FCHSD2: variants seen among roughly 807,000 people sequenced by gnomAD.
The protein encoded by FCHSD2 is FCH and double SH3 domains 2.
FCHSD2 carries 38 observed loss-of-function variants against 108.1 expected under a neutral mutation model. That is an observed-to-expected ratio of 0.35 (90% CI 0.27 to 0.46). FCHSD2 has a LOEUF of 0.46. FCHSD2 is among the 20% of genes least tolerant of loss of function. The pLI is 1.00. For missense variants in FCHSD2, 751 were observed against 897.8 expected (o/e 0.84, Z 2.09); for synonymous variants, 279 against 314.7 (o/e 0.89, Z 1.20).
intron 8 of FCHSD2, among the ~76,000 whole-genome samples, chr11:72,945,740 TG>T (rs1356040608): frequency 6.6e-6 from 1 of 152,142 alleles, no homozygotes; most frequent in African/African-American, 2.4e-5. Flanking sequence ...GCAAAGGATA[TG>T]AACAGACACT....
intron 2 of FCHSD2, among the ~76,000 whole-genome samples, chr11:73,121,662 A>G (rs78835923): frequency 1.3e-5 from 2 of 152,254 alleles, no homozygotes; most frequent in East Asian, 1.9e-4. Flanking sequence ...GGGCCAAAAA[A>G]AAAAAAAGTC....
intron 5 of FCHSD2, among the ~76,000 whole-genome samples, chr11:72,990,925 G>A (rs1254545154): frequency 6.6e-6 from 1 of 152,010 alleles, no homozygotes. Flanking sequence ...TCCAGGAGCT[G>A]GTTTTTTTGA....
chr11:72,890,275 A>G (rs777643682), intron 10 of FCHSD2, among the ~76,000 whole-genome samples: 1 of 152,260 alleles, frequency 6.6e-6, no homozygotes, highest in Non-Finnish European at 1.5e-5. Context: ...AAGAAAATGT[A>G]TTCATGCCAA....
intron 9 of FCHSD2, among the ~76,000 whole-genome samples, chr11:72,913,811 A>C (rs1022570505): frequency 1.3e-5 from 2 of 150,016 alleles, no homozygotes; most frequent in African/African-American, 4.9e-5. Context: ...ATACAAAAAA[A>C]CCAAAAAAAA....
At chr11:73,075,425 CAAT>C (rs144157976) in intron 3 of FCHSD2, among the ~76,000 whole-genome samples, 1 of 152,304 alleles carries the variant, frequency 6.6e-6, no homozygotes, top group African/African-American at 2.4e-5. Context: ...AAACAACAGA[CAAT>C]GACAGGTATT....
At chr11:73,048,043 A>C (rs1435958395) in intron 3 of FCHSD2, among the ~76,000 whole-genome samples, 2 of 152,136 alleles carry the variant, frequency 1.3e-5, no homozygotes, top group Admixed American at 6.5e-5. Flanking sequence ...CTGTGAAAAC[A>C]TGAGTTATTT....
chr11:73,139,192 A>G lies in FCHSD2; in HGVS notation c.119+839T>C, dbSNP rs567624753. ...AACACATAATTTTATCATTAACACC[A>G]GAGTTAATATTTTTCATGAAACCAA... On this transcript the variant is annotated intron_variant, in intron 2 of 19. Transcript: ENST00000409418. 1.8e-4 allele frequency among the ~76,000 whole-genome samples: 27 copies of G among 152,348 alleles called. 1 individual carries two copies. In the South Asian group the frequency reaches 5.6e-3, roughly 32 times the overall value.
intron 10 of FCHSD2, among the ~76,000 whole-genome samples, chr11:72,898,216 T>C (rs1855459862): frequency 6.6e-6 from 1 of 152,212 alleles, no homozygotes; most frequent in African/African-American, 2.4e-5. Context: ...CAGTGTAGTT[T>C]GAAATGGGTT....
At chr11:73,085,315 C>G (rs187084501) in intron 2 of FCHSD2, among the ~76,000 whole-genome samples, 32 of 152,152 alleles carry the variant, frequency 2.1e-4, no homozygotes, top group African/African-American at 7.2e-4. Flanking sequence ...TAGTAAACAC[C>G]AGGAATCTGA....
intron 9 of FCHSD2, among the ~76,000 whole-genome samples, chr11:72,905,980 T>C (rs984331128): frequency 1.3e-5 from 2 of 152,166 alleles, no homozygotes; most frequent in Non-Finnish European, 2.9e-5. Context: ...GGTCAAATGG[T>C]ATTTCTAGTT....
rs549434845 is a variant in FCHSD2, at chr11:72,899,322, A to G, written c.924+3221T>C. Among the ~76,000 whole-genome samples, 7 of 152,364 alleles carry G rather than the reference A, an allele frequency of 4.6e-5. No homozygotes were observed. In the South Asian group the frequency reaches 1.4e-3, roughly 32 times the overall value. On this transcript the variant is annotated intron_variant, in intron 10 of 19. Coordinates refer to ENST00000409418, the MANE Select transcript of FCHSD2 (RefSeq NM_014824.3). ...CAAGTAGACACAATCCAATAAAAAA[A>G]TAGAAACAAGGTTTGAATAGACATT...
rs539823846 is a variant in FCHSD2 at position 72,838,513 on chromosome 11, C to T, written c.*278G>A. On this transcript the variant is annotated 3_prime_UTR_variant, in exon 20 of 20. Transcript: ENST00000409418. The stretch of plus-strand genomic sequence containing the variant: ...TCTTGAGTCTCATATAAAAACAGAC[C>T]ACTGTTAGGCATGAGGGCTGCCCCC... 3.5e-4 allele frequency: 169 copies of T among 481,978 alleles called. 1 individual carries two copies. In the South Asian group the frequency reaches 3.9e-3, roughly 11 times the overall value. 29.9% of individuals were successfully genotyped at this position (481,978 alleles called of 1,614,324 possible).
intron 3 of FCHSD2, among the ~76,000 whole-genome samples, chr11:73,045,571 T>C (rs1377903406): frequency 6.6e-6 from 1 of 151,110 alleles, no homozygotes; most frequent in African/African-American, 2.4e-5. Flanking sequence ...ATATACACCA[T>C]GGAATACTAT....
intron 2 of FCHSD2, among the ~76,000 whole-genome samples, chr11:73,100,954 C>T (rs949986403): frequency 6.6e-6 from 1 of 151,870 alleles, no homozygotes; most frequent in African/African-American, 2.4e-5. Context: ...TCTCCTCACA[C>T]AGACCCTTGT....
At chr11:73,099,921 C>A (rs1430431671) in intron 2 of FCHSD2, among the ~76,000 whole-genome samples, 2 of 152,206 alleles carry the variant, frequency 1.3e-5, no homozygotes, top group Non-Finnish European at 2.9e-5. Flanking sequence ...CGTCCCTATC[C>A]CCCACTAATG....
chr11:72,875,617 GTC>G, intron 12 of FCHSD2, among the ~76,000 whole-genome samples: 1 of 152,164 alleles, frequency 6.6e-6, no homozygotes, highest in South Asian at 2.1e-4. Flanking sequence ...AATTAGAGGT[GTC>G]AGCCACCATC....
intron 8 of FCHSD2, among the ~76,000 whole-genome samples, chr11:72,964,967 T>A (rs1279123085): frequency 6.6e-6 from 1 of 151,980 alleles, no homozygotes; most frequent in Admixed American, 6.6e-5. Context: ...TTTTTTGTAT[T>A]TTTAGTAGAG....
intron 3 of FCHSD2, among the ~76,000 whole-genome samples, chr11:73,082,635 G>A (rs1331856058): frequency 6.6e-6 from 1 of 151,970 alleles, no homozygotes; most frequent in African/African-American, 2.4e-5. Context: ...TATTTATAAT[G>A]AGAATAAAAA....
chr11:72,942,541 G>T (rs1241144207), intron 8 of FCHSD2, among the ~76,000 whole-genome samples: 1 of 152,142 alleles, frequency 6.6e-6, no homozygotes, highest in African/African-American at 2.4e-5. Flanking sequence ...AGATTAGAAG[G>T]ATATGCCAAG....
Sources: gnomAD v4.1 joint callset for allele counts (sites outside exome capture counted in the v4.1 genomes callset) on GRCh38, gnomAD v4.1.1 for gene constraint, MANE v1.5 for transcripts, NCBI Gene and HGNC (gene_info 2026-07-23, HGNC 2026-07-21) for gene names.